Variants in SVIL observed in about 807,000 individuals in gnomAD.
SVIL encodes supervillin.
SVIL carries 101 observed loss-of-function variants against 240.4 expected under a neutral mutation model. The observed-to-expected ratio is 0.42, with a 90% CI of 0.36 to 0.50. The LOEUF (loss-of-function observed/expected upper bound fraction) is 0.50, where lower values mean the gene tolerates loss of function less well. SVIL is among the 20% of genes least tolerant of loss of function. The pLI is 0.01. For synonymous variants in SVIL, 999 were observed against 1,100.0 expected (o/e 0.91, Z 1.82); for missense variants, 2,512 against 2,818.7 (o/e 0.89, Z 2.46).
chr10:29,544,778 A>T (rs2132617884), intron 6 of SVIL, among the ~76,000 whole-genome samples: 1 of 150,770 alleles, frequency 6.6e-6, no homozygotes, highest in East Asian at 1.9e-4. Context: ...AAAAAAAAAA[A>T]AGAATAAGAA....
intron 6 of SVIL, among the ~76,000 whole-genome samples, chr10:29,547,232 T>A (rs1952776466): frequency 1.3e-5 from 2 of 152,206 alleles, no homozygotes; most frequent in South Asian, 4.1e-4. Context: ...CCTGAATCAC[T>A]GCTGTCATTA....
At chr10:29,597,308 A>G (rs940553723) in intron 1 of SVIL, among the ~76,000 whole-genome samples, 1 of 152,198 alleles carries the variant, frequency 6.6e-6, no homozygotes, top group African/African-American at 2.4e-5. Flanking sequence ...ATCATGGGAG[A>G]GAGGGCAGCC....
chr10:29,559,654 C>G (rs552688232), intron 3 of SVIL, among the ~76,000 whole-genome samples: 1 of 152,296 alleles, frequency 6.6e-6, no homozygotes, highest in Admixed American at 6.5e-5. Flanking sequence ...ATTAGGACTT[C>G]CAAACATATC....
intron 6 of SVIL, among the ~76,000 whole-genome samples, chr10:29,544,673 G>T (rs1011977779): frequency 6.7e-6 from 1 of 149,238 alleles, no homozygotes; most frequent in Non-Finnish European, 1.5e-5. Flanking sequence ...CAGGAGGAAC[G>T]CTCGAGCCCA....
rs1471019023 is a variant in SVIL, at chr10:29,634,883, A to G, written c.-664T>C. The G allele has an allele frequency of 6.6e-6, 1 of 151,486 alleles. No individual in the cohort carries two copies. The allele number at this position is 151,486 out of a possible 1,614,324, so 9.4% of individuals were successfully genotyped here. A position where few individuals can be genotyped will look rare whatever the true frequency, so the allele number is the denominator to read the frequency against. On this transcript the variant is annotated 5_prime_UTR_variant, in exon 1 of 38. Coordinates refer to ENST00000355867, the MANE Select transcript of SVIL (RefSeq NM_021738.3). ...GTGTCCTCGAGGCTGAACTTCCCCA[A>G]CCTGGCCTCGGTGGAGCCATCCATT...
intron 1 of SVIL, among the ~76,000 whole-genome samples, chr10:29,707,159 T>C (rs1460620507): frequency 1.3e-5 from 2 of 152,232 alleles, no homozygotes; most frequent in African/African-American, 4.8e-5. Flanking sequence ...AAGTAGTTTC[T>C]ATCTAATTCT....
intron 7 of SVIL, among the ~76,000 whole-genome samples, chr10:29,535,074 T>C (rs1057095490): frequency 6.6e-6 from 1 of 152,242 alleles, no homozygotes; most frequent in Non-Finnish European, 1.5e-5. Flanking sequence ...GAATAGTTTA[T>C]TTAATGACAA....
At position 29,584,573 on chromosome 10, in the gene SVIL, G is replaced by A. The variant is rs186869227; in HGVS notation, c.-200-15261C>T. ...CGGTTGTGGTTCTCCCACTCAGCCC[G>A]CTGCCACTGGACTCTCTCCCCTGTA... On this transcript the variant is annotated intron_variant, in intron 1 of 37. Coordinates refer to ENST00000355867, the MANE Select transcript of SVIL (RefSeq NM_021738.3). 3.5e-3 allele frequency among the ~76,000 whole-genome samples: 538 copies of A among 152,256 alleles called. 12 individuals are homozygous for A. In the South Asian group the frequency reaches 0.062, roughly 18 times the overall value.
rs1953303433 is a variant in SVIL at position 29,551,255 on chromosome 10, T to G, written c.169A>C (p.Asn57His). ...DPASPHIGRS[N>H]EEEETSDSSL... Reference sequence around the variant, plus strand: ...GAATCAGAAGTTTCCTCCTCTTCATTTGATCGGCCTACAAGAAGGTCACAT... The same window carrying G: ...GAATCAGAAGTTTCCTCCTCTTCATGTGATCGGCCTACAAGAAGGTCACAT... The change falls in exon 6 of 38, where the codon AAT becomes CAT. Residue 57 changes from asparagine to histidine, a missense_variant. Asn to His is a moderately conservative substitution (Grantham distance 68). Coordinates refer to ENST00000355867, the MANE Select transcript of SVIL (RefSeq NM_021738.3). The G allele has an allele frequency of 1.9e-6, 3 of 1,592,602 alleles. No homozygotes were observed. The highest frequency in any genetic ancestry group is 3.5e-5 in the Admixed American group (2 of 57,224).
At chr10:29,481,974 A>G (rs973229168) in intron 27 of SVIL, among the ~76,000 whole-genome samples, 1 of 149,934 alleles carries the variant, frequency 6.7e-6, no homozygotes, top group African/African-American at 2.4e-5. Flanking sequence ...GACATGAACC[A>G]TGTCAGGACT....
chr10:29,571,961 A>G (rs557132183), intron 1 of SVIL, among the ~76,000 whole-genome samples: 10 of 152,242 alleles, frequency 6.6e-5, no homozygotes, highest in African/African-American at 1.9e-4. Context: ...TACTCTTTGT[A>G]TCTTTAGTTC....
chr10:29,675,745 C>T (rs1167251324), intron 2 of SVIL, among the ~76,000 whole-genome samples: 1 of 152,170 alleles, frequency 6.6e-6, no homozygotes, highest in Non-Finnish European at 1.5e-5. Flanking sequence ...AGTCTTCGCC[C>T]AAGTGTTACA....
chr10:29,517,441 A>AAAAAAG lies in SVIL; in HGVS notation c.3390-4586_3390-4581dup, dbSNP rs548560723. Among the ~76,000 whole-genome samples the AAAAAAG allele has an allele frequency of 3.1e-3, 466 of 152,162 alleles. 6 individuals are homozygous for AAAAAAG. The South Asian group carries it at 0.044, about 14-fold the overall frequency. On this transcript the variant is annotated intron_variant, in intron 16 of 37. Coordinates refer to ENST00000355867, the MANE Select transcript of SVIL (RefSeq NM_021738.3). ...AGACCCTGTCTAGAAAAATAAAAGA[A>AAAAAAG]AAAAAGAAAAAGAAAAAGAAAAGGA...
intron 1 of SVIL, among the ~76,000 whole-genome samples, chr10:29,620,007 A>G (rs1266330696): frequency 6.6e-6 from 1 of 152,198 alleles, no homozygotes; most frequent in Non-Finnish European, 1.5e-5. Context: ...TTCTTTCCAC[A>G]AGGTATCATG....
intron 17 of SVIL, 90 bp downstream of exon 17, chr10:29,512,645 G>C (rs1420334946): frequency 6.2e-7 from 1 of 1,604,304 alleles, no homozygotes; most frequent in East Asian, 2.2e-5. Context: ...GCTTCACAGA[G>C]TAGGAATTAG....
intron 1 of SVIL, among the ~76,000 whole-genome samples, chr10:29,687,790 T>C (rs549580048): frequency 6.6e-6 from 1 of 152,370 alleles, no homozygotes; most frequent in African/African-American, 2.4e-5. Flanking sequence ...GAAAACTTCT[T>C]TGGAATAACA....
intron 1 of SVIL, among the ~76,000 whole-genome samples, chr10:29,704,900 A>G (rs1277848930): frequency 6.6e-6 from 1 of 152,118 alleles, no homozygotes; most frequent in East Asian, 1.9e-4. Context: ...GAACTCCTTT[A>G]ACTCCTACTA....
In SVIL at chr10:29,563,187, A is replaced by G. The variant is rs1344787952; in HGVS notation, c.-51+14T>C. 2.1e-6 allele frequency: 2 copies of G among 955,616 alleles called. No homozygotes were observed. The highest frequency in any genetic ancestry group is 2.5e-6 in the Non-Finnish European group (2 of 802,556). 59.2% of individuals were successfully genotyped at this position (955,616 alleles called of 1,614,324 possible). On this transcript the variant is annotated intron_variant, in intron 3 of 37. Transcript: ENST00000355867. ...TCTACCCAGACATGGTTGGTCACTT[A>G]GGAACAGCCTTACCTTTAGGAAGTG...
At chr10:29,719,386 A>G (rs2092384945) in intron 1 of SVIL, among the ~76,000 whole-genome samples, 1 of 152,184 alleles carries the variant, frequency 6.6e-6, no homozygotes, top group Non-Finnish European at 1.5e-5. Flanking sequence ...AAAAGAATCA[A>G]CTGTCTCCAA....
Sources: allele counts gnomAD v4.1 joint callset (sites outside exome capture counted in the v4.1 genomes callset), GRCh38; gene constraint gnomAD v4.1.1; transcripts MANE v1.5; gene names NCBI Gene and HGNC (gene_info 2026-07-23, HGNC 2026-07-21).